OTC: variants seen among roughly 807,000 people sequenced by gnomAD.
The protein encoded by OTC is ornithine transcarbamylase.
In OTC, 3 loss-of-function variants were observed where a neutral mutation model predicts 30.3. The ratio of observed to expected loss-of-function variants is 0.10; its 90% CI spans 0.05 to 0.26. OTC has a LOEUF of 0.26. OTC is among the 10% of genes least tolerant of loss of function. The probability of loss-of-function intolerance (pLI) is 1.00; values close to 1 mark genes in which losing one functional copy is unlikely to be tolerated. For missense variants in OTC, 194 were observed against 260.3 expected, an observed-to-expected ratio of 0.75 and a Z score of 1.75; for synonymous variants, 111 against 99.7, an observed-to-expected ratio of 1.11 and a Z score of -0.67.
At chrX:38,349,425 G>C (rs924751147), upstream of OTC, among the ~76,000 whole-genome samples, 2 of 112,687 alleles carry the variant, frequency 1.8e-5, no homozygotes, top group Non-Finnish European at 3.8e-5. Flanking sequence ...TTTAGAACAT[G>C]AAGGCTCTGT....
intron 6 of OTC, among the ~76,000 whole-genome samples, chrX:38,405,405 C>T (rs2068510957): frequency 9.0e-6 from 1 of 111,484 alleles, no homozygotes; most frequent in African/African-American, 3.3e-5. Flanking sequence ...TTGCCTCTTC[C>T]TGCTTCTGGT....
chrX:38,390,564 C>T (rs1366074384), intron 4 of OTC, among the ~76,000 whole-genome samples: 1 of 112,413 alleles, frequency 8.9e-6, no homozygotes, highest in Non-Finnish European at 1.9e-5. Context: ...GTGAAAGAAA[C>T]TGGAGTTTAG....
upstream of OTC, among the ~76,000 whole-genome samples, chrX:38,350,687 T>A (rs2068209791): frequency 9.0e-6 from 1 of 111,604 alleles, no homozygotes; most frequent in Admixed American, 9.5e-5. Flanking sequence ...TATCTTAACT[T>A]TTTTTTAGTT....
chrX:38,396,065 G>T (rs1336494655), intron 4 of OTC, among the ~76,000 whole-genome samples: 14 of 107,156 alleles, frequency 1.3e-4, no homozygotes, highest in African/African-American at 4.8e-4. Flanking sequence ...TGATTCTCCT[G>T]CCTCAGCCTC....
chrX:38,409,138 G>A (rs2068530938), intron 8 of OTC, 113 bp downstream of exon 8: 1 of 801,229 alleles, frequency 1.2e-6, no homozygotes, highest in Admixed American at 2.4e-5. Context: ...CCCTATAAAA[G>A]GACTCACTGA....
At chrX:38,397,177 A>G (rs1293401436) in intron 4 of OTC, among the ~76,000 whole-genome samples, 1 of 112,120 alleles carries the variant, frequency 8.9e-6, no homozygotes. Context: ...TGATATTACT[A>G]TTATAATTTT....
intron 1 of OTC, among the ~76,000 whole-genome samples, chrX:38,357,432 C>T (rs1485364829): frequency 5.3e-5 from 6 of 112,983 alleles, no homozygotes; most frequent in African/African-American, 1.9e-4. Context: ...ACATAAAAAT[C>T]TCAGCCATAA....
chrX:38,400,811 G>A (rs2147340982), intron 4 of OTC, among the ~76,000 whole-genome samples: 1 of 112,911 alleles, frequency 8.9e-6, no homozygotes, highest in East Asian at 2.8e-4. Flanking sequence ...CTCACAGCAA[G>A]TTCTCTTCTG....
chrX:38,367,818 AG>A (rs2147323899), intron 2 of OTC, among the ~76,000 whole-genome samples: 1 of 110,326 alleles, frequency 9.1e-6, no homozygotes, highest in South Asian at 4.0e-4. Flanking sequence ...CCCAGGTTCA[AG>A]GAATTCTCCC....
chrX:38,399,966 T>C (rs2068476702), intron 4 of OTC, among the ~76,000 whole-genome samples: 1 of 111,385 alleles, frequency 9.0e-6, no homozygotes, highest in African/African-American at 3.3e-5. Context: ...GAAGCTTCCA[T>C]CAGAAGTGGT....
chrX:38,332,620 A>G, the OTC span, among the ~76,000 whole-genome samples: 1 of 104,450 alleles, frequency 9.6e-6, no homozygotes. Context: ...GGTGCCTGGA[A>G]TAGTGGAGCA....
In OTC at chrX:38,415,765, G is replaced by C. The variant is rs2068567838; in HGVS notation, c.1005+3766G>C. On this transcript the variant is annotated intron_variant, in intron 9 of 9. Transcript: ENST00000039007. Reference sequence around the variant, plus strand: ...AGCTACTCAGGAGGCTGAGGCAGGAGAATTGCTTGAACCTGGGAGGCAGAG... The same window carrying C: ...AGCTACTCAGGAGGCTGAGGCAGGACAATTGCTTGAACCTGGGAGGCAGAG... Among the ~76,000 whole-genome samples the C allele has an allele frequency of 2.7e-5, 3 of 111,951 alleles. No individual in the cohort carries two copies. The South Asian group carries it at 1.1e-3, about 42-fold the overall frequency.
chrX:38,356,759 C>T (rs1460858227), intron 1 of OTC, among the ~76,000 whole-genome samples: 1 of 110,995 alleles, frequency 9.0e-6, no homozygotes, highest in African/African-American at 3.3e-5. Context: ...TGGGGTTTCG[C>T]TGGGGGTCGC....
At chrX:38,414,823 G>A (rs992216286) in intron 9 of OTC, among the ~76,000 whole-genome samples, 1 of 111,085 alleles carries the variant, frequency 9.0e-6, no homozygotes, top group Non-Finnish European at 1.9e-5. Flanking sequence ...CATGTGTTGC[G>A]CTCTTTATGT....
chrX:38,393,928 T>C (rs2068441524), intron 4 of OTC, among the ~76,000 whole-genome samples: 1 of 111,692 alleles, frequency 9.0e-6, no homozygotes, highest in Middle Eastern at 4.6e-3. Flanking sequence ...GCCCCCTTTT[T>C]CCATCTTCAA....
At chrX:38,422,402 A>G (rs894226136), downstream of OTC, among the ~76,000 whole-genome samples, 7 of 112,018 alleles carry the variant, frequency 6.2e-5, no homozygotes, top group African/African-American at 2.3e-4. Flanking sequence ...AGTTTAGTGG[A>G]ATATCTTTCA....
chrX:38,365,149 A>G (rs2068289264), intron 1 of OTC, among the ~76,000 whole-genome samples: 1 of 113,071 alleles, frequency 8.8e-6, no homozygotes. Context: ...TTGTTAGGTT[A>G]GAATTAAAGC....
intron 4 of OTC, among the ~76,000 whole-genome samples, chrX:38,388,841 A>C (rs753943167): frequency 8.9e-6 from 1 of 112,349 alleles, no homozygotes; most frequent in Non-Finnish European, 1.9e-5. Context: ...AATTTGTAAA[A>C]CCAGTAGAAA....
rs1165348534 is a variant in OTC at position 38,421,437 on chromosome X, C to A, written c.*355C>A. The A allele has an allele frequency of 5.5e-6, 1 of 180,761 alleles. No homozygotes were observed. Among genetic ancestry groups the A allele is most frequent in the African/African-American group, 3.1e-5 (1 of 32,239 alleles). The allele number at this position is 180,761 out of a possible 1,213,427, so 14.9% of individuals were successfully genotyped here. A position where few individuals can be genotyped will look rare whatever the true frequency, so the allele number is the denominator to read the frequency against. ...TGCTTATTACCTAAATAAATTATCA[C>A]CCATGCTAATTTATAAGTAAACATT... On this transcript the variant is annotated 3_prime_UTR_variant, in exon 10 of 10. Transcript: ENST00000039007.
Sources: allele counts gnomAD v4.1 joint callset (sites outside exome capture counted in the v4.1 genomes callset), GRCh38; gene constraint gnomAD v4.1.1; transcripts MANE v1.5; gene names NCBI Gene and HGNC (gene_info 2026-07-23, HGNC 2026-07-21).